The following CXCL13 variants were observed in gnomAD, a reference collection of about 807,000 sequenced individuals.
CXCL13 encodes C-X-C motif chemokine ligand 13.
A neutral mutation model predicts 12.2 loss-of-function variants in CXCL13; 7 were observed. The ratio of observed to expected loss-of-function variants is 0.57; its 90% CI spans 0.33 to 1.07. CXCL13 has a LOEUF of 1.07. Ranked by LOEUF, CXCL13 falls within the 50% of genes least tolerant of loss-of-function variation. The pLI, the probability that CXCL13 is intolerant of heterozygous loss-of-function variation, is 0.04. For missense variants in CXCL13, 113 were observed against 127.4 expected (o/e 0.89, Z 0.55); for synonymous variants, 47 against 42.4 (o/e 1.11, Z -0.42).
chr4:77,603,805 A>G (rs1222839425), upstream of CXCL13, among the ~76,000 whole-genome samples: 2 of 152,226 alleles, frequency 1.3e-5, no homozygotes, highest in Non-Finnish European at 2.9e-5. Context: ...AGTCAGACAG[A>G]CAGGCAGGCT....
chr4:77,591,767 A>T (rs908058535), intron 1 of CXCL13, among the ~76,000 whole-genome samples: 6 of 152,132 alleles, frequency 3.9e-5, no homozygotes, highest in Admixed American at 2.6e-4. Context: ...CCCCAGCTTC[A>T]TATCCACGCC....
intron 1 of CXCL13, among the ~76,000 whole-genome samples, chr4:77,518,884 C>G (rs1299788683): frequency 6.6e-6 from 1 of 152,104 alleles, no homozygotes; most frequent in Non-Finnish European, 1.5e-5. Context: ...TTTAGAGTTT[C>G]CAGTGTTTCT....
chr4:77,572,780 C>T (rs1726119603), intron 1 of CXCL13, among the ~76,000 whole-genome samples: 1 of 151,854 alleles, frequency 6.6e-6, no homozygotes, highest in Non-Finnish European at 1.5e-5. Flanking sequence ...AAGACACATG[C>T]ACACATATAT....
At position 77,541,124 on chromosome 4, in the gene CXCL13, G is replaced by A. The variant is rs766488323; in HGVS notation, c.-43+29336G>A. ...TTATTTTCTTTTTGCTTGTTCAATTGTTTAAGTTCCTTATAGATTCTGTAT... is the reference window on the plus strand; with the variant it reads ...TTATTTTCTTTTTGCTTGTTCAATTATTTAAGTTCCTTATAGATTCTGTAT... On this transcript the variant is annotated intron_variant, in intron 1 of 4. Coordinates refer to the CXCL13 transcript ENST00000286758. Among the ~76,000 whole-genome samples the A allele has an allele frequency of 2.0e-5, 3 of 152,138 alleles. No homozygotes were observed. In the East Asian group the frequency reaches 5.8e-4, roughly 29 times the overall value.
intron 1 of CXCL13, among the ~76,000 whole-genome samples, chr4:77,592,091 A>T (rs1214317433): frequency 6.6e-6 from 1 of 152,230 alleles, no homozygotes; most frequent in Non-Finnish European, 1.5e-5. Flanking sequence ...CTGGATATTT[A>T]TCCAAAGGAT....
upstream of CXCL13, among the ~76,000 whole-genome samples, chr4:77,603,471 G>C (rs1226205104): frequency 1.3e-5 from 2 of 152,182 alleles, no homozygotes; most frequent in Non-Finnish European, 2.9e-5. Flanking sequence ...AAGTGTATGC[G>C]TGTCTGTGGC....
intron 1 of CXCL13, among the ~76,000 whole-genome samples, chr4:77,537,734 A>G (rs1725093495): frequency 6.6e-6 from 1 of 152,080 alleles, no homozygotes; most frequent in Non-Finnish European, 1.5e-5. Context: ...ATAGCACTCC[A>G]GTTTTCCTTT....
chr4:77,555,080 T>G (rs1304439220), intron 1 of CXCL13, among the ~76,000 whole-genome samples: 2 of 151,482 alleles, frequency 1.3e-5, no homozygotes, highest in Non-Finnish European at 3.0e-5. Context: ...GAAATAAAAA[T>G]ATGAATAAAA....
chr4:77,570,746 C>T (rs1042612910), intron 1 of CXCL13, among the ~76,000 whole-genome samples: 54 of 152,096 alleles, frequency 3.6e-4, no homozygotes, highest in African/African-American at 1.3e-3. Flanking sequence ...GCTTGGTGGT[C>T]CTATAGTCAG....
At chr4:77,577,215 A>C (rs1726219430) in intron 1 of CXCL13, among the ~76,000 whole-genome samples, 1 of 152,158 alleles carries the variant, frequency 6.6e-6, no homozygotes. Flanking sequence ...TCATGCACCC[A>C]AATCTTAGCA....
chr4:77,547,909 C>T (rs1725412723), intron 1 of CXCL13, among the ~76,000 whole-genome samples: 1 of 152,024 alleles, frequency 6.6e-6, no homozygotes, highest in South Asian at 2.1e-4. Flanking sequence ...CCTTCAGGAG[C>T]TCTTGTAAGG....
intron 1 of CXCL13, among the ~76,000 whole-genome samples, chr4:77,532,666 G>A (rs763797840): frequency 2.1e-4 from 32 of 152,236 alleles, no homozygotes; most frequent in Middle Eastern, 3.4e-3. Context: ...CATTCTCCCC[G>A]TCACTTTCAG....
chr4:77,524,772 G>A (rs1372129629), intron 1 of CXCL13, among the ~76,000 whole-genome samples: 4 of 152,142 alleles, frequency 2.6e-5, no homozygotes, highest in Admixed American at 6.5e-5. Flanking sequence ...TACCTCAGTT[G>A]GAAATGCAGA....
At chr4:77,531,933 G>C (rs927265567) in intron 1 of CXCL13, among the ~76,000 whole-genome samples, 1 of 152,154 alleles carries the variant, frequency 6.6e-6, no homozygotes, top group East Asian at 1.9e-4. Flanking sequence ...TTGAGCCTAT[G>C]TGTGTCTCTG....
intron 1 of CXCL13, among the ~76,000 whole-genome samples, chr4:77,514,126 G>A (rs1724346715): frequency 6.6e-6 from 1 of 151,724 alleles, no homozygotes; most frequent in African/African-American, 2.4e-5. Flanking sequence ...CCCTACAAAG[G>A]ACATGAACTC....
intron 1 of CXCL13, among the ~76,000 whole-genome samples, chr4:77,544,921 G>C (rs1410214471): frequency 1.3e-5 from 2 of 152,152 alleles, no homozygotes; most frequent in African/African-American, 4.8e-5. Flanking sequence ...ATTAATTTTT[G>C]TATAAGGGGT....
chr4:77,569,369 T>A (rs1295713894), intron 1 of CXCL13, among the ~76,000 whole-genome samples: 1 of 152,152 alleles, frequency 6.6e-6, no homozygotes, highest in East Asian at 1.9e-4. Context: ...GAAAACCACA[T>A]AATCTCAGCC....
upstream of CXCL13, among the ~76,000 whole-genome samples, chr4:77,602,193 C>T (rs1318969538): frequency 2.0e-5 from 3 of 152,172 alleles, no homozygotes; most frequent in African/African-American, 7.2e-5. Flanking sequence ...CCAATTATGC[C>T]ATCTCACTGT....
At chr4:77,565,760 T>G (rs1009900092) in intron 1 of CXCL13, among the ~76,000 whole-genome samples, 17 of 152,206 alleles carry the variant, frequency 1.1e-4, no homozygotes, top group Admixed American at 9.2e-4. Flanking sequence ...GGTCACTTTC[T>G]ACCTCATGTT....
Sources: allele counts gnomAD v4.1 joint callset (sites outside exome capture counted in the v4.1 genomes callset), GRCh38; gene constraint gnomAD v4.1.1; transcripts MANE v1.5; gene names NCBI Gene and HGNC (gene_info 2026-07-23, HGNC 2026-07-21).